The following SHOC1 variants were observed in gnomAD, a reference collection of about 807,000 sequenced individuals.
The protein encoded by SHOC1 is shortage in chiasmata 1.
A neutral mutation model predicts 179.2 loss-of-function variants in SHOC1; 136 were observed. The observed-to-expected ratio is 0.76, with a 90% CI of 0.66 to 0.87. The LOEUF (loss-of-function observed/expected upper bound fraction) is 0.87. SHOC1 is among the 40% of genes least tolerant of loss of function. The pLI, the probability that SHOC1 is intolerant of heterozygous loss-of-function variation, is 0.00. For synonymous variants in SHOC1, 489 were observed against 586.6 expected (o/e 0.83, Z 2.41); for missense variants, 1,538 against 1,700.8 (o/e 0.90, Z 1.68).
At chr9:111,769,251 CAG>C (rs974567067) in intron 5 of SHOC1, among the ~76,000 whole-genome samples, 1 of 152,066 alleles carries the variant, frequency 6.6e-6, no homozygotes, top group African/African-American at 2.4e-5. Context: ...GTTTTGGTAT[CAG>C]GGTAATGCTG....
intron 13 of SHOC1, among the ~76,000 whole-genome samples, chr9:111,725,049 G>C (rs925150861): frequency 2.0e-5 from 3 of 151,934 alleles, no homozygotes; most frequent in African/African-American, 4.8e-5. Flanking sequence ...CCATATAGTA[G>C]TATTATCCAT....
intron 11 of SHOC1, among the ~76,000 whole-genome samples, chr9:111,740,083 A>T (rs1034261375): frequency 6.6e-6 from 1 of 151,950 alleles, no homozygotes; most frequent in Non-Finnish European, 1.5e-5. Flanking sequence ...CTTAAGAGAA[A>T]TTTTTTTTCT....
chr9:111,751,557 T>A (rs7019576), intron 8 of SHOC1, among the ~76,000 whole-genome samples: 1 of 152,096 alleles, frequency 6.6e-6, no homozygotes. Context: ...TCAGTTCTCC[T>A]ATTTATAAAA....
intron 10 of SHOC1, 53 bp from the exon 11 acceptor site, chr9:111,741,623 A>G: frequency 1.1e-6 from 1 of 945,236 alleles, no homozygotes; most frequent in Admixed American, 2.7e-5. Flanking sequence ...TCTTTTGTAT[A>G]ATAAAATTTT....
chr9:111,759,628 T>C (rs1020366654), intron 5 of SHOC1: 5 of 939,400 alleles, frequency 5.3e-6, no homozygotes, highest in Non-Finnish European at 6.4e-6. Context: ...AAGAAAAATA[T>C]AAGCTCAGAT....
intron 12 of SHOC1, among the ~76,000 whole-genome samples, chr9:111,733,360 G>A (rs774480817): frequency 2.8e-4 from 42 of 151,914 alleles, no homozygotes; most frequent in Non-Finnish European, 3.7e-4. Flanking sequence ...ATACCTAAAT[G>A]TAAGACAAAA....
At chr9:111,703,802 C>T in intron 22 of SHOC1, 79 bp downstream of exon 22, 1 of 696,480 alleles carries the variant, frequency 1.4e-6, no homozygotes, top group Non-Finnish European at 2.3e-6. Flanking sequence ...GTTAAACTTC[C>T]TACAGAAAAG....
At chr9:111,769,949 T>C (rs959256711) in intron 5 of SHOC1, among the ~76,000 whole-genome samples, 2 of 151,414 alleles carry the variant, frequency 1.3e-5, no homozygotes, top group African/African-American at 4.8e-5. Flanking sequence ...TCTTCCTACT[T>C]AATCTAGCGA....
At chr9:111,711,646 G>T (rs939060308) in intron 18 of SHOC1, among the ~76,000 whole-genome samples, 2 of 152,178 alleles carry the variant, frequency 1.3e-5, no homozygotes, top group Non-Finnish European at 2.9e-5. Flanking sequence ...AATGATTAAT[G>T]AAAATTAGAA....
intron 12 of SHOC1, among the ~76,000 whole-genome samples, chr9:111,737,018 T>G (rs965416410): frequency 6.6e-5 from 10 of 152,310 alleles, no homozygotes; most frequent in African/African-American, 2.4e-4. Flanking sequence ...AGGTACCATT[T>G]CATATCATTC....
At chr9:111,742,886 A>G (rs1015700396) in intron 10 of SHOC1, among the ~76,000 whole-genome samples, 1 of 152,236 alleles carries the variant, frequency 6.6e-6, no homozygotes, top group Admixed American at 6.5e-5. Context: ...AAGTGAAAGG[A>G]ACGTGTTATA....
At position 111,691,982 on chromosome 9, in the gene SHOC1, T is replaced by C. The variant is rs1424238524; in HGVS notation, c.3995A>G (p.His1332Arg). The change falls in exon 27 of 28, where the codon CAT (histidine) becomes CGT (arginine). Residue 1332 changes from histidine (H) to arginine (R), a missense_variant. His to Arg is a conservative substitution (Grantham distance 29). Transcript: ENST00000682961. ...TTTATTTATGAAACCTTTTGCTTCA[T>C]GTGTTCTCCTTTTCTGAGAATTTAT... Reference protein sequence around the residue: ...RFINSQKRRTHEAKGFINKDV... With the variant: ...RFINSQKRRTREAKGFINKDV... The C allele has an allele frequency of 5.0e-6, 8 of 1,613,470 alleles. No homozygotes were observed. The highest frequency in any genetic ancestry group is 1.1e-5 in the South Asian group (1 of 90,984).
chr9:111,758,210 CATTA>C lies in SHOC1; in HGVS notation c.597-19_597-16del. 7.2e-7 allele frequency: 1 copy of C among 1,387,652 alleles called. No homozygotes were observed. The highest frequency in any genetic ancestry group is 1.0e-6 in the Non-Finnish European group (1 of 1,002,964). 86.0% of individuals were successfully genotyped at this position (1,387,652 alleles called of 1,614,324 possible). On this transcript the variant is annotated splice_polypyrimidine_tract_variant and intron_variant, in intron 6 of 27. Coordinates refer to ENST00000682961, the MANE Select transcript of SHOC1 (RefSeq NM_001378211.1). The stretch of plus-strand genomic sequence containing the variant: ...AGAAACATTCCCTTAAAAAAAAATA[CATTA>C]ATTAGTGTTTACTAAAAGCAAGTTA...
intron 5 of SHOC1, among the ~76,000 whole-genome samples, chr9:111,773,590 G>A (rs1418166769): frequency 2.0e-5 from 3 of 152,156 alleles, no homozygotes; most frequent in African/African-American, 7.2e-5. Flanking sequence ...GGAATTACAG[G>A]CATGAGCTAC....
At chr9:111,766,050 C>T (rs1835344547) in intron 5 of SHOC1, among the ~76,000 whole-genome samples, 1 of 152,116 alleles carries the variant, frequency 6.6e-6, no homozygotes, top group African/African-American at 2.4e-5. Context: ...CCCCCTCATC[C>T]CCCTTCCCTA....
chr9:111,777,216 A>G (rs534939513), intron 4 of SHOC1, among the ~76,000 whole-genome samples: 1 of 152,272 alleles, frequency 6.6e-6, no homozygotes, highest in African/African-American at 2.4e-5. Context: ...TACAATAGTG[A>G]TGTTATCCCG....
chr9:111,713,131 A>G lies in SHOC1; in HGVS notation c.2457T>C (p.His819=). 2 of 1,574,536 alleles carry G rather than the reference A, an allele frequency of 1.3e-6. No individual in the cohort carries two copies. The highest frequency in any genetic ancestry group is 1.7e-6 in the Non-Finnish European group (2 of 1,148,122). The stretch of plus-strand genomic sequence containing the variant: ...TTTTGTTAAGAATTTTAATGAGAAA[A>G]TGTTTTTCACCGTCTGAGTCCATTC... ...IIRMDSDGEK[H]FLIKILNKIE... The change falls in exon 18 of 28, where the codon CAT becomes CAC. Residue 819 remains histidine, a synonymous_variant. Transcript: ENST00000682961.
At chr9:111,793,110 C>T (rs1162826771) in intron 1 of SHOC1, among the ~76,000 whole-genome samples, 1 of 152,118 alleles carries the variant, frequency 6.6e-6, no homozygotes, top group Non-Finnish European at 1.5e-5. Context: ...TCTCGATCTC[C>T]TGACCTTGTG....
At chr9:111,729,184 T>C (rs2131443579) in intron 12 of SHOC1, among the ~76,000 whole-genome samples, 1 of 103,030 alleles carries the variant, frequency 9.7e-6, no homozygotes, top group South Asian at 2.9e-4. Flanking sequence ...GCCACAATCA[T>C]AGCTCACTGC....
Sources: allele counts gnomAD v4.1 joint callset (sites outside exome capture counted in the v4.1 genomes callset), GRCh38; gene constraint gnomAD v4.1.1; transcripts MANE v1.5; gene names NCBI Gene and HGNC (gene_info 2026-07-23, HGNC 2026-07-21).